The following ZC2HC1A variants were observed in gnomAD, a reference collection of about 807,000 sequenced individuals.
ZC2HC1A encodes zinc finger C2HC-type containing 1A.
ZC2HC1A carries 28 observed loss-of-function variants against 40.7 expected under a neutral mutation model. The ratio of observed to expected loss-of-function variants is 0.69; its 90% confidence interval spans 0.51 to 0.94. The LOEUF (loss-of-function observed/expected upper bound fraction) is 0.94, where lower values mean the gene tolerates loss of function less well. Ranked by LOEUF, ZC2HC1A falls within the 40% of genes least tolerant of loss-of-function variation. The pLI is 0.00. For synonymous variants in ZC2HC1A, 129 were observed against 129.2 expected (o/e 1.00, Z 0.01); for missense variants, 389 against 386.3 (o/e 1.01, Z -0.06).
At chr8:78,704,374 TGA>T (rs1301492893) in intron 7 of ZC2HC1A, among the ~76,000 whole-genome samples, 1 of 132,324 alleles carries the variant, frequency 7.6e-6, no homozygotes, top group Non-Finnish European at 1.6e-5. Flanking sequence ...GGTGACAGAG[TGA>T]GACTCCATCT....
At chr8:78,683,956 G>A (rs1439910516) in intron 3 of ZC2HC1A, among the ~76,000 whole-genome samples, 1 of 152,150 alleles carries the variant, frequency 6.6e-6, no homozygotes, top group Non-Finnish European at 1.5e-5. Context: ...TTCCCAGCAA[G>A]TTCTTCATCT....
chr8:78,689,440 T>A (rs1050935760), intron 5 of ZC2HC1A, 67 bp downstream of exon 5: 10 of 1,426,088 alleles, frequency 7.0e-6, no homozygotes, highest in Non-Finnish European at 8.4e-6. Context: ...GATTATTGTT[T>A]ATGCTTTTCA....
At chr8:78,711,020 C>T (rs912881236) in intron 7 of ZC2HC1A, among the ~76,000 whole-genome samples, 5 of 151,968 alleles carry the variant, frequency 3.3e-5, no homozygotes, top group Non-Finnish European at 7.4e-5. Flanking sequence ...TCTTATTTAC[C>T]ACCACATCCT....
chr8:78,681,112 G>A (rs1446944459), intron 3 of ZC2HC1A, among the ~76,000 whole-genome samples: 1 of 151,938 alleles, frequency 6.6e-6, no homozygotes, highest in Non-Finnish European at 1.5e-5. Flanking sequence ...AGGATCTGAG[G>A]GAAGCAGGGT....
intron 3 of ZC2HC1A, among the ~76,000 whole-genome samples, chr8:78,683,012 C>A (rs1421176581): frequency 6.6e-6 from 1 of 152,242 alleles, no homozygotes; most frequent in African/African-American, 2.4e-5. Flanking sequence ...ACATCCAGGT[C>A]ATGCTGGTTC....
intron 7 of ZC2HC1A, among the ~76,000 whole-genome samples, chr8:78,713,336 A>G (rs978060358): frequency 1.2e-4 from 19 of 152,064 alleles, no homozygotes; most frequent in African/African-American, 3.9e-4. Flanking sequence ...ATAATCTCTT[A>G]TATTTTCCTC....
chr8:78,683,155 TC>T (rs1809844689), intron 3 of ZC2HC1A, among the ~76,000 whole-genome samples: 1 of 151,910 alleles, frequency 6.6e-6, no homozygotes, highest in Non-Finnish European at 1.5e-5. Flanking sequence ...ATGCAACCTG[TC>T]GGTGGATCTA....
chr8:78,677,255 A>G (rs1179747236), intron 2 of ZC2HC1A, among the ~76,000 whole-genome samples: 1 of 152,090 alleles, frequency 6.6e-6, no homozygotes, highest in East Asian at 1.9e-4. Flanking sequence ...TGGAGGGAGA[A>G]TGTTTATCCA....
At chr8:78,709,207 A>G (rs906018847) in intron 7 of ZC2HC1A, among the ~76,000 whole-genome samples, 4 of 152,034 alleles carry the variant, frequency 2.6e-5, no homozygotes, top group African/African-American at 4.8e-5. Context: ...TAATACACCT[A>G]AAATTAGAGC....
intron 3 of ZC2HC1A, chr8:78,685,769 A>G (rs1229617467): frequency 6.6e-6 from 1 of 152,230 alleles, no homozygotes; most frequent in African/African-American, 2.4e-5. Flanking sequence ...GATAGATAAT[A>G]TATTCTGTTA....
chr8:78,682,765 TCCA>T (rs1469127101), intron 3 of ZC2HC1A, among the ~76,000 whole-genome samples: 2 of 152,080 alleles, frequency 1.3e-5, no homozygotes, highest in Non-Finnish European at 2.9e-5. Context: ...AACCCTAAAG[TCCA>T]CAGTTCAATC....
chr8:78,718,828 C>T lies in ZC2HC1A; in HGVS notation c.*1335C>T, dbSNP rs997325908. 2.6e-5 allele frequency: 4 copies of T among 151,440 alleles called. No individual in the cohort carries two copies. Among genetic ancestry groups the T allele is most frequent in the Non-Finnish European group, 5.9e-5 (4 of 67,618 alleles). 9.4% of individuals were successfully genotyped at this position (151,440 alleles called of 1,614,324 possible). On this transcript the variant is annotated 3_prime_UTR_variant, in exon 9 of 9. Transcript: ENST00000263849. ...CAATCAAACCTAAGAGAGCTTTGAT[C>T]TTACTGTAAAGGTACAAACAAATCT... is the stretch of plus-strand genomic sequence containing the variant.
intron 7 of ZC2HC1A, among the ~76,000 whole-genome samples, chr8:78,709,839 T>G (rs1265123178): frequency 6.6e-6 from 1 of 152,182 alleles, no homozygotes; most frequent in East Asian, 1.9e-4. Flanking sequence ...CAAGATTGCC[T>G]TATAGCATCA....
intron 1 of ZC2HC1A, among the ~76,000 whole-genome samples, chr8:78,668,267 T>TA (rs1809356850): frequency 6.6e-6 from 1 of 152,188 alleles, no homozygotes; most frequent in African/African-American, 2.4e-5. Flanking sequence ...GAAACATTGA[T>TA]ACAGTGATAG....
rs1324270053 is a variant in ZC2HC1A at position 78,689,347 on chromosome 8, G to A, written c.478G>A (p.Gly160Arg). The A allele has an allele frequency of 6.3e-7, 1 of 1,596,512 alleles. No homozygotes were observed. The highest frequency in any genetic ancestry group is 2.3e-5 in the East Asian group (1 of 43,986). The stretch of plus-strand genomic sequence containing the variant: ...AGGGAAATTTTCTACAGATACCAAA[G>A]GAAAACCAACTTCTCGGACACAGGT... ...NKGKFSTDTKGKPTSRTQVYK... is the reference protein window; with the variant it reads ...NKGKFSTDTKRKPTSRTQVYK... Residue 160 changes from glycine to arginine, a missense_variant, in exon 5 of 9, where the codon GGA (glycine) becomes AGA (arginine). Coordinates refer to ENST00000263849, the MANE Select transcript of ZC2HC1A (RefSeq NM_016010.3).
In ZC2HC1A at chr8:78,718,387, T is replaced by A. The variant is rs1811170074; in HGVS notation, c.*894T>A. 1 of 152,090 alleles carries A rather than the reference T, an allele frequency of 6.6e-6. No individual in the cohort carries two copies. The highest frequency in any genetic ancestry group is 1.9e-4 in the East Asian group (1 of 5,188). The allele number at this position is 152,090 out of a possible 1,614,324, so 9.4% of individuals were successfully genotyped here. On this transcript the variant is annotated 3_prime_UTR_variant, in exon 9 of 9. Transcript: ENST00000263849. ...TACATGTTTAAAAACATATAATTTT[T>A]TGTATCTGAATTTAGAATAAATCAT...
intron 1 of ZC2HC1A, among the ~76,000 whole-genome samples, chr8:78,669,690 T>C (rs546528094): frequency 1.3e-5 from 2 of 152,282 alleles, no homozygotes; most frequent in South Asian, 4.2e-4. Context: ...AAACAAACTT[T>C]CCCTGATTAT....
chr8:78,717,595 C>A lies in ZC2HC1A; in HGVS notation c.*102C>A. On this transcript the variant is annotated 3_prime_UTR_variant, in exon 9 of 9. Transcript: ENST00000263849. ...CTAGTTAGTTTGTGCTAAAAATACTCGAAATACCATTTCCAGTTAATTTTG... is the reference window on the plus strand; with the variant it reads ...CTAGTTAGTTTGTGCTAAAAATACTAGAAATACCATTTCCAGTTAATTTTG... 2.4e-6 allele frequency: 3 copies of A among 1,259,978 alleles called. No individual in the cohort carries two copies. Among genetic ancestry groups the A allele is most frequent in the Non-Finnish European group, 3.2e-6 (3 of 924,276 alleles). The allele number at this position is 1,259,978 out of a possible 1,614,324, so 78.0% of individuals were successfully genotyped here.
chr8:78,691,627 AT>A (rs1173612708), intron 5 of ZC2HC1A, among the ~76,000 whole-genome samples: 1 of 151,704 alleles, frequency 6.6e-6, no homozygotes, highest in East Asian at 1.9e-4. Flanking sequence ...TCCTTTTGTA[AT>A]TTTTTTAAAA....
Sources: allele counts gnomAD v4.1 joint callset (sites outside exome capture counted in the v4.1 genomes callset), GRCh38; gene constraint gnomAD v4.1.1; transcripts MANE v1.5; gene names NCBI Gene and HGNC (gene_info 2026-07-23, HGNC 2026-07-21).